NUP210: variants seen among roughly 807,000 people sequenced by gnomAD.
NUP210 encodes the protein nucleoporin 210, also known as nuclear pore membrane glycoprotein 210.
In NUP210, 151 loss-of-function variants were observed where a neutral mutation model predicts 196.0. The observed-to-expected ratio is 0.77, with a 90% CI of 0.67 to 0.88. The LOEUF (loss-of-function observed/expected upper bound fraction) is 0.88. Among genes scored for constraint, NUP210 ranks in the 40% least tolerant of loss-of-function variants. The probability of loss-of-function intolerance (pLI) is 0.00; values close to 1 mark genes in which losing one functional copy is unlikely to be tolerated. For synonymous variants in NUP210, 1,070 were observed against 1,052.7 expected, an observed-to-expected ratio of 1.02 and a Z score of -0.32; for missense variants, 2,314 against 2,493.7, an observed-to-expected ratio of 0.93 and a Z score of 1.53.
intron 28 of NUP210, among the ~76,000 whole-genome samples, chr3:13,333,347 C>T (rs1439192848): frequency 1.3e-5 from 2 of 152,244 alleles, no homozygotes; most frequent in East Asian, 1.9e-4. Context: ...GGCAACCACT[C>T]GCTGGCAGGT....
chr3:13,348,027 C>T lies in NUP210; in HGVS notation c.2835+3852G>A, dbSNP rs746585984. On this transcript the variant is annotated intron_variant, in intron 20 of 39. Coordinates refer to ENST00000254508, the MANE Select transcript of NUP210 (RefSeq NM_024923.4). The surrounding 1 kb of genome is among the most constrained non-coding windows in gnomAD (Gnocchi z 4.0). ...GCTGCTGCTTGCCATAGGGGAGACT[C>T]GTCCCGGGTCCTGCCTGCAATGGGC... Among the ~76,000 whole-genome samples, 46 of 152,348 alleles carry T rather than the reference C, an allele frequency of 3.0e-4. No individual in the cohort carries two copies. Among genetic ancestry groups the T allele is most frequent in the Non-Finnish European group, 4.3e-4 (29 of 68,040 alleles).
chr3:13,378,808 A>G, intron 8 of NUP210, 104 bp downstream of exon 8: 1 of 863,096 alleles, frequency 1.2e-6, no homozygotes, highest in South Asian at 1.4e-5. Flanking sequence ...AGAGCTGGCC[A>G]GAGGGAAGCA....
chr3:13,368,242 G>GT (rs1559331683), intron 13 of NUP210, among the ~76,000 whole-genome samples: 1 of 151,980 alleles, frequency 6.6e-6, no homozygotes. Flanking sequence ...CACCAGGATA[G>GT]TTTTTTCATT....
intron 3 of NUP210, among the ~76,000 whole-genome samples, chr3:13,391,915 T>C (rs1699504241): frequency 6.6e-6 from 1 of 151,892 alleles, no homozygotes; most frequent in Admixed American, 6.6e-5. Context: ...GATCTGTCCT[T>C]TCCAATCAAG....
At chr3:13,370,873 T>A (rs1417333915) in intron 13 of NUP210, among the ~76,000 whole-genome samples, 2 of 152,222 alleles carry the variant, frequency 1.3e-5, no homozygotes, top group African/African-American at 4.8e-5. Context: ...ACATCGCTCT[T>A]CTGTTCAAAA....
intron 6 of NUP210, among the ~76,000 whole-genome samples, chr3:13,385,107 T>C (rs997991464): frequency 2.0e-5 from 3 of 152,112 alleles, no homozygotes; most frequent in Non-Finnish European, 4.4e-5. Flanking sequence ...CTGTCTTCAG[T>C]TTTTTTGTCC....
Position 13,375,592 on chromosome 3 carries a change from A to G in NUP210, c.1343T>C (p.Val448Ala), listed in dbSNP as rs1486928470. ...CAGGGTGATCGGGATGTGAATTTCC[A>G]CCTCCTGCTGGTTCCACACAGGCAC... ...LQVPVWNQQE[V>A]EIHIPITLYP... Residue 448 changes from valine (V) to alanine (A), a missense_variant, in exon 11 of 40, where the codon GTG becomes GCG. Val to Ala is a moderately conservative substitution (Grantham distance 64). Coordinates refer to ENST00000254508, the MANE Select transcript of NUP210 (RefSeq NM_024923.4). The G allele has an allele frequency of 1.9e-6, 3 of 1,614,014 alleles. No individual in the cohort carries two copies.
At chr3:13,402,526 G>A (rs1699873823) in intron 1 of NUP210, among the ~76,000 whole-genome samples, 1 of 152,068 alleles carries the variant, frequency 6.6e-6, no homozygotes, top group African/African-American at 2.4e-5. Context: ...AATTCTCCTT[G>A]CAAAACTCCC....
Position 13,377,635 on chromosome 3 carries a change from C to T in NUP210, c.1046-73G>A. On this transcript the variant is annotated intron_variant, in intron 8 of 39. Transcript: ENST00000254508. ...GGGTGGAGGAGGATGGGACCACCACCCTCAGCACAGGGGCCCTCAGCATCC... is the reference window on the plus strand; with the variant it reads ...GGGTGGAGGAGGATGGGACCACCACTCTCAGCACAGGGGCCCTCAGCATCC... The T allele has an allele frequency of 5.3e-6, 6 of 1,123,534 alleles. No individual in the cohort carries two copies. The South Asian group carries it at 7.7e-5, about 14-fold the overall frequency. The allele number at this position is 1,123,534 out of a possible 1,614,324, so 69.6% of individuals were successfully genotyped here. A position where few individuals can be genotyped will look rare whatever the true frequency, so the allele number is the denominator to read the frequency against.
At chr3:13,362,968 T>C (rs938287604) in intron 14 of NUP210, among the ~76,000 whole-genome samples, 1 of 152,214 alleles carries the variant, frequency 6.6e-6, no homozygotes, top group African/African-American at 2.4e-5. Flanking sequence ...CAGACATCAC[T>C]GGATATACCA....
At chr3:13,372,926 G>C (rs1698780716) in intron 12 of NUP210, among the ~76,000 whole-genome samples, 1 of 152,166 alleles carries the variant, frequency 6.6e-6, no homozygotes, top group Non-Finnish European at 1.5e-5. Context: ...AGGGGTCCCA[G>C]TTTATCCCAA....
At chr3:13,417,776 A>G (rs957732577) in intron 1 of NUP210, among the ~76,000 whole-genome samples, 4 of 152,222 alleles carry the variant, frequency 2.6e-5, no homozygotes, top group African/African-American at 9.6e-5. Flanking sequence ...CAAACTACAG[A>G]TCAACGCCAA....
chr3:13,386,350 C>T lies in NUP210; in HGVS notation c.742G>A (p.Ala248Thr), dbSNP rs1156908892. ...CCCACCATCAGGTAGACGTCATAGG[C>T]CGGGTTCAGAAGGATGTTTTCCAAA... ...LILENILLNP[A>T]YDVYLMVGTS... Residue 248 changes from alanine to threonine, a missense_variant, in exon 6 of 40, where the codon GCC becomes ACC. Ala to Thr is a moderately conservative substitution (Grantham distance 58, BLOSUM62 0). Coordinates refer to ENST00000254508, the MANE Select transcript of NUP210 (RefSeq NM_024923.4). 3 of 1,614,148 alleles carry T rather than the reference C, an allele frequency of 1.9e-6. No homozygotes were observed. Among genetic ancestry groups the T allele is most frequent in the Non-Finnish European group, 2.5e-6 (3 of 1,180,036 alleles).
intron 18 of NUP210, among the ~76,000 whole-genome samples, 195 bp from the exon 19 acceptor site, chr3:13,352,379 C>T (rs1576373871): frequency 6.6e-6 from 1 of 152,342 alleles, no homozygotes; most frequent in South Asian, 2.1e-4. Context: ...GTTGCTGGCT[C>T]CTCCACTCCA....
intron 4 of NUP210, 141 bp from the exon 5 acceptor site, chr3:13,388,594 G>A: frequency 1.2e-6 from 1 of 809,084 alleles, no homozygotes; most frequent in South Asian, 2.1e-5. Context: ...CAGGGCTGGG[G>A]CTGCCTAGAG....
rs117033803 is a variant in NUP210, at chr3:13,365,564, C to T, written c.1932+382G>A. Among the ~76,000 whole-genome samples, 17 of 152,340 alleles carry T rather than the reference C, an allele frequency of 1.1e-4. No individual in the cohort carries two copies. In the East Asian group the frequency reaches 3.3e-3, roughly 29 times the overall value. On this transcript the variant is annotated intron_variant, in intron 14 of 39. Transcript: ENST00000254508. The stretch of plus-strand genomic sequence containing the variant: ...CACGGCCGCTGTCCTAATTCTAGGG[C>T]TCTGTGGGGACCCTGAAGGTTAGCT...
At chr3:13,418,657 G>T (rs1230332130) in intron 1 of NUP210, among the ~76,000 whole-genome samples, 1 of 151,490 alleles carries the variant, frequency 6.6e-6, no homozygotes, top group African/African-American at 2.4e-5. Flanking sequence ...GTGTTGTGGC[G>T]GGCGCCTGTA....
At chr3:13,335,680 C>T (rs1020804894) in intron 27 of NUP210, 68 bp from the exon 28 acceptor site, 23 of 1,552,710 alleles carry the variant, frequency 1.5e-5, no homozygotes, top group Admixed American at 6.9e-5. Context: ...AAGGCAGAGC[C>T]GGACAGTAGC....
chr3:13,397,229 A>T (rs900128452), intron 3 of NUP210, 128 bp downstream of exon 3: 4 of 1,141,540 alleles, frequency 3.5e-6, no homozygotes, highest in Middle Eastern at 3.0e-4. Context: ...CTGCCTGACC[A>T]GAGCTGCCCT....
Sources: allele counts gnomAD v4.1 joint callset (sites outside exome capture counted in the v4.1 genomes callset), GRCh38; gene constraint gnomAD v4.1.1; non-coding constraint Gnocchi (gnomAD v3.1); transcripts MANE v1.5; gene names NCBI Gene and HGNC (gene_info 2026-07-23, HGNC 2026-07-21).